Variants in CSTPP1 observed in about 807,000 individuals in gnomAD.
CSTPP1 encodes centriolar satellite-associated tubulin polyglutamylase complex regulator 1.
chr11:47,030,725 G>A, the CSTPP1 span, among the ~76,000 whole-genome samples: 5 of 152,134 alleles, frequency 3.3e-5, no homozygotes, highest in African/African-American at 9.6e-5. Context: ...CTATGCATCC[G>A]TGTGTTCTCA....
At chr11:47,093,444 G>A in the CSTPP1 span, among the ~76,000 whole-genome samples, 9 of 152,188 alleles carry the variant, frequency 5.9e-5, no homozygotes, top group Non-Finnish European at 7.4e-5. Flanking sequence ...AGTACCTTGT[G>A]TGCCAGGCAC....
chr11:46,937,002 A>G, the CSTPP1 span: 11 of 1,108,824 alleles, frequency 9.9e-6, no homozygotes, highest in Non-Finnish European at 1.3e-5. Context: ...CTGAGCCTGT[A>G]AGGCCGAGCA....
the CSTPP1 span, among the ~76,000 whole-genome samples, chr11:46,938,780 C>CTTTTT: frequency 1.6e-5 from 2 of 123,638 alleles, no homozygotes; most frequent in Non-Finnish European, 3.2e-5. Context: ...TTTTCTTCTT[C>CTTTTT]TTTTTTTTTT....
At chr11:47,087,497 G>A in the CSTPP1 span, among the ~76,000 whole-genome samples, 4 of 152,150 alleles carry the variant, frequency 2.6e-5, no homozygotes, top group Non-Finnish European at 5.9e-5. Flanking sequence ...TCAGGAGATC[G>A]AGGCCATCCT....
chr11:46,981,784 T>C, the CSTPP1 span, among the ~76,000 whole-genome samples: 1 of 152,058 alleles, frequency 6.6e-6, no homozygotes, highest in Non-Finnish European at 1.5e-5. Context: ...ACCTACTTCG[T>C]TGGGTTGTAT....
the CSTPP1 span, among the ~76,000 whole-genome samples, chr11:46,966,925 A>G: frequency 2.2e-4 from 33 of 152,258 alleles, no homozygotes; most frequent in Admixed American, 1.9e-3. Context: ...GTCCAAGATC[A>G]AGGTGCTGGC....
chr11:46,961,002 A>G, the CSTPP1 span, among the ~76,000 whole-genome samples: 1 of 152,114 alleles, frequency 6.6e-6, no homozygotes, highest in African/African-American at 2.4e-5. Context: ...TATTTTCACT[A>G]CTTGGATTTT....
chr11:47,115,647 C>T, the CSTPP1 span, among the ~76,000 whole-genome samples: 1 of 151,924 alleles, frequency 6.6e-6, no homozygotes, highest in Admixed American at 6.6e-5. Flanking sequence ...TCTGTGGGAT[C>T]GGTGATGATA....
the CSTPP1 span, among the ~76,000 whole-genome samples, chr11:47,088,607 C>T: frequency 6.6e-6 from 1 of 152,120 alleles, no homozygotes; most frequent in Non-Finnish European, 1.5e-5. Flanking sequence ...AGTGCAATGG[C>T]ACGATCTCAG....
At chr11:47,019,592 G>A in the CSTPP1 span, among the ~76,000 whole-genome samples, 1 of 152,280 alleles carries the variant, frequency 6.6e-6, no homozygotes, top group South Asian at 2.1e-4. Context: ...GGAATGGCTG[G>A]TCGGTGGAGG....
chr11:47,110,331 T>A, the CSTPP1 span, among the ~76,000 whole-genome samples: 1 of 152,120 alleles, frequency 6.6e-6, no homozygotes, highest in African/African-American at 2.4e-5. Context: ...AATGTAGCAA[T>A]TAAGAACTTC....
chr11:47,093,621 G>A, the CSTPP1 span, among the ~76,000 whole-genome samples: 1 of 152,164 alleles, frequency 6.6e-6, no homozygotes, highest in African/African-American at 2.4e-5. Flanking sequence ...AGTGGTTTTT[G>A]AGCCACCAGA....
the CSTPP1 span, among the ~76,000 whole-genome samples, chr11:47,012,581 GAA>G: frequency 1.3e-5 from 2 of 152,048 alleles, no homozygotes; most frequent in African/African-American, 4.8e-5. Flanking sequence ...AGAGAAAAAA[GAA>G]AAAGAGAAGC....
At chr11:46,995,424 A>G in the CSTPP1 span, among the ~76,000 whole-genome samples, 356 of 152,220 alleles carry the variant, frequency 2.3e-3, no homozygotes, top group African/African-American at 7.8e-3. Flanking sequence ...AGTGCTATCA[A>G]TTTCCCTCTA....
chr11:47,158,975 T>G, the CSTPP1 span, among the ~76,000 whole-genome samples: 1 of 152,206 alleles, frequency 6.6e-6, no homozygotes, highest in Non-Finnish European at 1.5e-5. Context: ...AAGTTAACAT[T>G]CACTAAATGC....
At chr11:47,063,451 G>A in the CSTPP1 span, among the ~76,000 whole-genome samples, 3 of 151,940 alleles carry the variant, frequency 2.0e-5, no homozygotes, top group East Asian at 3.9e-4. Context: ...TTGCAAAACC[G>A]AAACTCAGTA....
the CSTPP1 span, among the ~76,000 whole-genome samples, chr11:47,056,068 C>T: frequency 6.6e-6 from 1 of 152,312 alleles, no homozygotes; most frequent in East Asian, 1.9e-4. Flanking sequence ...TCAGTCTATG[C>T]AGGGATTGGT....
the CSTPP1 span, among the ~76,000 whole-genome samples, chr11:46,955,570 G>A: frequency 6.6e-6 from 1 of 150,596 alleles, no homozygotes; most frequent in Non-Finnish European, 1.5e-5. Context: ...TCACCGTGTT[G>A]GCCAGGATGG....
At chr11:47,065,144 G>A in the CSTPP1 span, among the ~76,000 whole-genome samples, 1 of 151,918 alleles carries the variant, frequency 6.6e-6, no homozygotes, top group Non-Finnish European at 1.5e-5. Context: ...TTTATGAATG[G>A]TTTTTTCTAT....
Sources: gnomAD v4.1 joint callset for allele counts (sites outside exome capture counted in the v4.1 genomes callset) on GRCh38, gnomAD v4.1.1 for gene constraint, MANE v1.5 for transcripts, NCBI Gene and HGNC (gene_info 2026-07-23, HGNC 2026-07-21) for gene names.